The following FARS2 variants were observed in gnomAD, a reference collection of about 807,000 sequenced individuals.
The protein encoded by FARS2 is phenylalanyl-tRNA synthetase 2, mitochondrial.
FARS2 carries 40 observed loss-of-function variants against 46.4 expected under a neutral mutation model. That is an observed-to-expected ratio of 0.86 (90% CI 0.67 to 1.12). FARS2 has a LOEUF of 1.12. Among genes scored for constraint, FARS2 ranks in the 50% most tolerant of loss-of-function variants. The pLI, the probability that FARS2 is intolerant of heterozygous loss-of-function variation, is 0.00. For missense variants in FARS2, 513 were observed against 567.9 expected (o/e 0.90, Z 0.98); for synonymous variants, 234 against 214.9 (o/e 1.09, Z -0.78).
intron 4 of FARS2, among the ~76,000 whole-genome samples, chr6:5,444,373 A>G (rs901481039): frequency 1.0e-4 from 15 of 148,308 alleles, no homozygotes; most frequent in African/African-American, 3.5e-4. Flanking sequence ...AGGCTGAGGC[A>G]GGAGAATCGC....
intron 6 of FARS2, among the ~76,000 whole-genome samples, chr6:5,666,118 T>C (rs569660636): frequency 7.9e-5 from 12 of 152,346 alleles, no homozygotes; most frequent in African/African-American, 2.4e-4. Flanking sequence ...TATTGGTTCA[T>C]TGAACTCAAC....
intron 4 of FARS2, among the ~76,000 whole-genome samples, chr6:5,475,016 C>A (rs1766038995): frequency 6.6e-6 from 1 of 152,150 alleles, no homozygotes; most frequent in African/African-American, 2.4e-5. Context: ...CTGCCATTTA[C>A]CAAAACATTG....
intron 6 of FARS2, among the ~76,000 whole-genome samples, chr6:5,637,240 A>T (rs576797464): frequency 6.6e-6 from 1 of 152,340 alleles, no homozygotes; most frequent in South Asian, 2.1e-4. Context: ...CTTAGATACC[A>T]AGAGCTTCAT....
intron 5 of FARS2, among the ~76,000 whole-genome samples, chr6:5,574,226 C>CTGA (rs987166676): frequency 1.3e-5 from 2 of 152,094 alleles, no homozygotes; most frequent in African/African-American, 4.8e-5. Context: ...CCGGGTTCAG[C>CTGA]TGATTCTCCT....
intron 4 of FARS2, among the ~76,000 whole-genome samples, chr6:5,449,755 C>T (rs1764380223): frequency 6.6e-6 from 1 of 152,184 alleles, no homozygotes; most frequent in Non-Finnish European, 1.5e-5. Context: ...AATCCGAAAA[C>T]TCGAAATCAG....
At chr6:5,383,934 G>A (rs1205022326) in intron 2 of FARS2, among the ~76,000 whole-genome samples, 3 of 152,130 alleles carry the variant, frequency 2.0e-5, no homozygotes, top group Non-Finnish European at 4.4e-5. Context: ...GCCACCTGGA[G>A]AAGAAAATGC....
At chr6:5,408,920 G>A (rs1487773529) in intron 3 of FARS2, among the ~76,000 whole-genome samples, 5 of 152,094 alleles carry the variant, frequency 3.3e-5, no homozygotes, top group African/African-American at 7.2e-5. Context: ...TAAAAAGTAA[G>A]CCATGTGCTG....
At chr6:5,695,893 T>A (rs1273429164) in intron 6 of FARS2, among the ~76,000 whole-genome samples, 9 of 152,192 alleles carry the variant, frequency 5.9e-5, no homozygotes, top group Non-Finnish European at 1.0e-4. Context: ...GCCAATTTTT[T>A]AAAACATAAC....
chr6:5,544,619 G>A (rs1438636918), intron 4 of FARS2, among the ~76,000 whole-genome samples: 2 of 152,152 alleles, frequency 1.3e-5, no homozygotes, highest in Non-Finnish European at 2.9e-5. Context: ...CCTCGTCTGG[G>A]CCTGCTTGTG....
At chr6:5,503,402 A>G (rs1161956380) in intron 4 of FARS2, among the ~76,000 whole-genome samples, 1 of 36,196 alleles carries the variant, frequency 2.8e-5, no homozygotes, top group Non-Finnish European at 6.0e-5. Flanking sequence ...ACACACACAC[A>G]CACAGAGAGA....
chr6:5,748,899 C>T (rs1360869579), intron 6 of FARS2, among the ~76,000 whole-genome samples: 1 of 152,240 alleles, frequency 6.6e-6, no homozygotes, highest in African/African-American at 2.4e-5. Flanking sequence ...TCAGTGGCAT[C>T]CCTCTTCCTT....
At chr6:5,605,654 G>A (rs17140954) in intron 5 of FARS2, among the ~76,000 whole-genome samples, 1,908 of 152,288 alleles carry the variant, frequency 0.013, 35 homozygotes, top group African/African-American at 0.042. Flanking sequence ...TCCATGCCAC[G>A]TGAGGAACTC....
chr6:5,698,317 C>T (rs1179654799), intron 6 of FARS2, among the ~76,000 whole-genome samples: 11 of 152,068 alleles, frequency 7.2e-5, no homozygotes, highest in Non-Finnish European at 1.3e-4. Flanking sequence ...CGTCACATGG[C>T]GAAAGCAGGA....
intron 6 of FARS2, among the ~76,000 whole-genome samples, chr6:5,655,442 T>C (rs1028770296): frequency 6.6e-5 from 10 of 152,214 alleles, no homozygotes; most frequent in Non-Finnish European, 1.5e-4. Flanking sequence ...ACTGATCATT[T>C]TACAGCTGCA....
At chr6:5,749,869 C>T (rs927082960) in intron 6 of FARS2, among the ~76,000 whole-genome samples, 1 of 152,178 alleles carries the variant, frequency 6.6e-6, no homozygotes, top group Non-Finnish European at 1.5e-5. Flanking sequence ...CTGTGTGCTG[C>T]CTCCACTCAC....
intron 1 of FARS2, among the ~76,000 whole-genome samples, chr6:5,330,887 C>T (rs1770752923): frequency 1.3e-5 from 2 of 152,038 alleles, no homozygotes; most frequent in Admixed American, 6.6e-5. Context: ...AGGACGATTG[C>T]TTGAACTCAG....
chr6:5,714,822 C>T (rs559626413), intron 6 of FARS2, among the ~76,000 whole-genome samples: 5 of 152,038 alleles, frequency 3.3e-5, no homozygotes, highest in African/African-American at 7.2e-5. Flanking sequence ...GTCAGGAGTT[C>T]GAGACCAGTC....
At chr6:5,413,247 G>A (rs1762038844) in intron 3 of FARS2, among the ~76,000 whole-genome samples, 1 of 152,196 alleles carries the variant, frequency 6.6e-6, no homozygotes, top group African/African-American at 2.4e-5. Flanking sequence ...CAGTTGGGCA[G>A]AGGATAACAG....
intron 4 of FARS2, among the ~76,000 whole-genome samples, chr6:5,449,709 G>A (rs917346460): frequency 5.3e-5 from 8 of 152,118 alleles, no homozygotes; most frequent in African/African-American, 1.4e-4. Context: ...GTGTGTTTTG[G>A]AATATTTGCA....
Sources: allele counts gnomAD v4.1 joint callset (sites outside exome capture counted in the v4.1 genomes callset), GRCh38; gene constraint gnomAD v4.1.1; transcripts MANE v1.5; gene names NCBI Gene and HGNC (gene_info 2026-07-23, HGNC 2026-07-21).